QKI: variants seen among roughly 807,000 people sequenced by gnomAD.
QKI encodes QKI, KH domain containing RNA binding, also known as KH domain-containing RNA-binding protein QKI.
QKI carries 10 observed loss-of-function variants against 39.0 expected under a neutral mutation model. That is an observed-to-expected ratio of 0.26 (90% CI 0.16 to 0.43). The LOEUF is 0.43. Among genes scored for constraint, QKI ranks in the 20% least tolerant of loss-of-function variants. QKI has a pLI of 1.00. For missense variants in QKI, 218 were observed against 428.0 expected, an observed-to-expected ratio of 0.51 and a Z score of 4.33; for synonymous variants, 204 against 155.4, an observed-to-expected ratio of 1.31 and a Z score of -2.33.
At chr6:163,424,718 G>A (rs1301518352) in intron 1 of QKI, among the ~76,000 whole-genome samples, 3 of 150,124 alleles carry the variant, frequency 2.0e-5, no homozygotes, top group African/African-American at 4.9e-5. Context: ...TGCAACCTCT[G>A]TCTCCCAGGT....
chr6:163,517,190 A>C (rs181953182), intron 3 of QKI, among the ~76,000 whole-genome samples: 5 of 152,168 alleles, frequency 3.3e-5, no homozygotes, highest in Admixed American at 6.5e-5. Flanking sequence ...CACAAAGCAG[A>C]TGGGTAAGGA....
intron 4 of QKI, among the ~76,000 whole-genome samples, chr6:163,550,047 T>G (rs1324193617): frequency 2.0e-5 from 3 of 152,210 alleles, no homozygotes; most frequent in Non-Finnish European, 4.4e-5. Flanking sequence ...CATGGGAAAT[T>G]AGGAGAGTTT....
intron 3 of QKI, among the ~76,000 whole-genome samples, chr6:163,500,559 A>G (rs899837657): frequency 3.9e-5 from 6 of 152,128 alleles, no homozygotes; most frequent in Non-Finnish European, 7.4e-5. Flanking sequence ...TATATTTCCA[A>G]TTTCCTCAAT....
intron 4 of QKI, 138 bp downstream of exon 4, chr6:163,535,263 C>T: frequency 4.8e-6 from 4 of 832,948 alleles, no homozygotes; most frequent in African/African-American, 1.8e-5. Context: ...AAACACCTGA[C>T]TGATACTTCT....
At chr6:163,503,137 A>ATTTTT (rs57383986) in intron 3 of QKI, among the ~76,000 whole-genome samples, 1 of 100,034 alleles carries the variant, frequency 1.0e-5, no homozygotes, top group African/African-American at 3.6e-5. Flanking sequence ...GGCCCCTTGT[A>ATTTTT]TTTTTTTTTT....
chr6:163,458,718 T>C (rs905641669), intron 2 of QKI, among the ~76,000 whole-genome samples: 2 of 152,126 alleles, frequency 1.3e-5, no homozygotes, highest in African/African-American at 4.8e-5. Context: ...TTTTTGAAGT[T>C]TGGCCTCATG....
intron 7 of QKI, chr6:163,568,912 A>G (rs1783536018): frequency 2.0e-6 from 2 of 985,900 alleles, no homozygotes; most frequent in East Asian, 2.3e-4. Context: ...AAGACTTGGC[A>G]GAGGATGTAG....
intron 4 of QKI, among the ~76,000 whole-genome samples, chr6:163,547,520 A>G (rs1423309852): frequency 6.6e-6 from 1 of 152,204 alleles, no homozygotes; most frequent in African/African-American, 2.4e-5. Flanking sequence ...CTGGAATTCC[A>G]AATCAACCAG....
chr6:163,437,378 A>G (rs777784700), intron 1 of QKI, among the ~76,000 whole-genome samples: 2 of 152,224 alleles, frequency 1.3e-5, no homozygotes, highest in Non-Finnish European at 2.9e-5. Context: ...CGATTATCAA[A>G]GTATAATTAG....
chr6:163,472,857 A>T (rs1386989910), intron 2 of QKI, among the ~76,000 whole-genome samples: 1 of 152,192 alleles, frequency 6.6e-6, no homozygotes, highest in Admixed American at 6.6e-5. Flanking sequence ...GCTTAGAGGT[A>T]TATGTAAAGC....
chr6:163,489,444 G>A (rs1254101738), intron 3 of QKI, among the ~76,000 whole-genome samples: 1 of 150,016 alleles, frequency 6.7e-6, no homozygotes, highest in Non-Finnish European at 1.5e-5. Flanking sequence ...GTGTGTGTGT[G>A]TGTGTGTGTG....
At chr6:163,477,890 T>TA (rs1792743957) in intron 2 of QKI, among the ~76,000 whole-genome samples, 1 of 152,082 alleles carries the variant, frequency 6.6e-6, no homozygotes, top group Admixed American at 6.6e-5. Context: ...GTTGGATAAA[T>TA]GCAAGAAAAA....
At chr6:163,503,137 A>ATTTT (rs57383986) in intron 3 of QKI, among the ~76,000 whole-genome samples, 2 of 100,034 alleles carry the variant, frequency 2.0e-5, no homozygotes, top group African/African-American at 3.6e-5. Flanking sequence ...GGCCCCTTGT[A>ATTTT]TTTTTTTTTT....
rs1158225995 is a variant in QKI, at chr6:163,573,530, C to G, written c.*2820C>G. 6.6e-6 allele frequency: 1 copy of G among 152,018 alleles called. No homozygotes were observed. Among genetic ancestry groups the G allele is most frequent in the African/African-American group, 2.4e-5 (1 of 41,388 alleles). The allele number at this position is 152,018 out of a possible 1,614,324, so 9.4% of individuals were successfully genotyped here. ...TTTTATATGTATGTTATATAACATT[C>G]AAAAAGAATTTTTTTCTTGATTGAG... On this transcript the variant is annotated 3_prime_UTR_variant, in exon 8 of 8. Transcript: ENST00000361752.
At chr6:163,518,136 G>A (rs1247789110) in intron 3 of QKI, among the ~76,000 whole-genome samples, 1 of 152,194 alleles carries the variant, frequency 6.6e-6, no homozygotes, top group Non-Finnish European at 1.5e-5. Context: ...AATCTAGAGA[G>A]ATGTCTGATT....
intron 1 of QKI, among the ~76,000 whole-genome samples, chr6:163,431,861 A>T (rs1788862575): frequency 6.6e-6 from 1 of 151,594 alleles, no homozygotes; most frequent in Non-Finnish European, 1.5e-5. Context: ...GTAATTCTGC[A>T]ATTTTAAAGC....
At chr6:163,558,385 CTTCTTTTTTTTTCTTT>C (rs1562542819) in intron 4 of QKI, among the ~76,000 whole-genome samples, 1 of 151,142 alleles carries the variant, frequency 6.6e-6, no homozygotes, top group African/African-American at 2.4e-5. Context: ...CCTGTTGTCT[CTTCTTTTTTTTTCTTT>C]TTCTTTTTTT....
intron 4 of QKI, among the ~76,000 whole-genome samples, chr6:163,553,584 T>G (rs746196768): frequency 6.6e-5 from 10 of 152,164 alleles, no homozygotes; most frequent in Non-Finnish European, 1.0e-4. Flanking sequence ...AATGCTAGTA[T>G]GTAGCCGGAG....
chr6:163,565,794 A>G (rs899099856), intron 6 of QKI: 9 of 1,346,788 alleles, frequency 6.7e-6, no homozygotes, highest in African/African-American at 2.9e-5. Flanking sequence ...CATGCATGCT[A>G]TTTATGTCAC....
Sources: gnomAD v4.1 joint callset for allele counts (sites outside exome capture counted in the v4.1 genomes callset) on GRCh38, gnomAD v4.1.1 for gene constraint, MANE v1.5 for transcripts, NCBI Gene and HGNC (gene_info 2026-07-23, HGNC 2026-07-21) for gene names.